SLC25A21: variants seen among roughly 807,000 people sequenced by gnomAD.
SLC25A21 encodes the protein mitochondrial 2-oxodicarboxylate carrier.
SLC25A21 carries 47 observed loss-of-function variants against 43.8 expected under a neutral mutation model. The observed-to-expected ratio is 1.07, with a 90% CI of 0.85 to 1.37. The LOEUF is 1.37. Ranked by LOEUF, SLC25A21 falls within the 40% of genes most tolerant of loss-of-function variation. The probability of loss-of-function intolerance (pLI) is 0.00; values close to 1 mark genes in which losing one functional copy is unlikely to be tolerated. For missense variants in SLC25A21, 352 were observed against 350.2 expected, an observed-to-expected ratio of 1.00 and a Z score of -0.04; for synonymous variants, 131 against 121.3, an observed-to-expected ratio of 1.08 and a Z score of -0.52.
chr14:36,994,136 G>A (rs1035691466), intron 1 of SLC25A21, among the ~76,000 whole-genome samples: 18 of 152,148 alleles, frequency 1.2e-4, no homozygotes, highest in African/African-American at 4.3e-4. Flanking sequence ...GTGATGATTA[G>A]TAAATTAAGC....
chr14:37,155,009 C>T (rs1350031400), intron 1 of SLC25A21, among the ~76,000 whole-genome samples: 1 of 151,790 alleles, frequency 6.6e-6, no homozygotes, highest in Non-Finnish European at 1.5e-5. Context: ...ATAAAAAATA[C>T]ATTTGAAAAC....
At chr14:36,969,693 C>A (rs755016915) in intron 1 of SLC25A21, among the ~76,000 whole-genome samples, 4 of 151,846 alleles carry the variant, frequency 2.6e-5, no homozygotes, top group African/African-American at 7.3e-5. Context: ...GGTCTCGGTA[C>A]GTTATCTATA....
chr14:37,030,241 C>A (rs572821912), intron 1 of SLC25A21, among the ~76,000 whole-genome samples: 1 of 152,158 alleles, frequency 6.6e-6, no homozygotes, highest in Admixed American at 6.5e-5. Flanking sequence ...TCTTCATCAT[C>A]TTTATGTTGA....
chr14:36,680,691 T>A lies in SLC25A21; in HGVS notation c.867A>T (p.Glu289Asp), dbSNP rs1351137340. The stretch of plus-strand genomic sequence containing the variant: ...TCTCTTGAAGCCATGAATAGGTGTA[T>A]TCATAAACCAGCAGCATCACTGCAC... ...PGGAVMLLVYEYTYSWLQENW is the reference protein window; with the variant it reads ...PGGAVMLLVYDYTYSWLQENW The change falls in exon 10 of 10, where the codon GAA (glutamate) becomes GAT (aspartate). Residue 289 changes from glutamate (E) to aspartate (D), a missense_variant. By Grantham distance (45) the Glu-to-Asp change is conservative (BLOSUM62 2). Coordinates refer to ENST00000331299, the MANE Select transcript of SLC25A21 (RefSeq NM_030631.4). 2 of 1,613,206 alleles carry A rather than the reference T, an allele frequency of 1.2e-6. No homozygotes were observed. Among genetic ancestry groups the A allele is most frequent in the African/African-American group, 1.3e-5 (1 of 74,900 alleles).
At chr14:36,753,017 T>G (rs1001985775) in intron 3 of SLC25A21, among the ~76,000 whole-genome samples, 1 of 152,164 alleles carries the variant, frequency 6.6e-6, no homozygotes, top group Non-Finnish European at 1.5e-5. Flanking sequence ...GCCATTTCTA[T>G]GAGGTACCTA....
At chr14:37,078,018 T>C (rs1485358592) in intron 1 of SLC25A21, among the ~76,000 whole-genome samples, 1 of 147,492 alleles carries the variant, frequency 6.8e-6, no homozygotes, top group East Asian at 2.0e-4. Context: ...TCTTAAAATT[T>C]GAGATTTAAG....
chr14:36,897,914 C>T (rs551573788), intron 1 of SLC25A21, among the ~76,000 whole-genome samples: 5 of 152,278 alleles, frequency 3.3e-5, no homozygotes, highest in African/African-American at 9.6e-5. Context: ...CAGAGGAGTA[C>T]CTGGCCGTGT....
chr14:37,172,418 A>T lies in SLC25A21; in HGVS notation c.-68T>A, dbSNP rs767055586. The T allele has an allele frequency of 1.3e-6, 2 of 1,491,154 alleles. No individual in the cohort carries two copies. The highest frequency in any genetic ancestry group is 4.9e-5 in the East Asian group (2 of 40,832). The allele number at this position is 1,491,154 out of a possible 1,614,324, so 92.4% of individuals were successfully genotyped here. On this transcript the variant is annotated 5_prime_UTR_variant, in exon 1 of 10. Coordinates refer to ENST00000331299, the MANE Select transcript of SLC25A21 (RefSeq NM_030631.4). ...AACGAGCTCGCAGCCTGCACAGCCT[A>T]CTGATCCAGAGAGCCCCGGCTGGGC...
chr14:36,861,469 C>G (rs1293063413), intron 2 of SLC25A21, among the ~76,000 whole-genome samples: 1 of 152,186 alleles, frequency 6.6e-6, no homozygotes, highest in Non-Finnish European at 1.5e-5. Context: ...TTTCTTCTCT[C>G]AAGCAGCCTC....
intron 1 of SLC25A21, among the ~76,000 whole-genome samples, chr14:37,017,084 C>A (rs1452017804): frequency 6.6e-6 from 1 of 152,032 alleles, no homozygotes; most frequent in African/African-American, 2.4e-5. Context: ...TAGTACTTTT[C>A]ATTTACTCAC....
intron 1 of SLC25A21, among the ~76,000 whole-genome samples, chr14:36,973,628 G>A (rs1211600578): frequency 6.6e-6 from 1 of 152,210 alleles, no homozygotes; most frequent in East Asian, 1.9e-4. Flanking sequence ...GAGTTGAAAA[G>A]CAAACACCTT....
chr14:36,773,704 T>G (rs939051925), intron 3 of SLC25A21, among the ~76,000 whole-genome samples: 2 of 152,214 alleles, frequency 1.3e-5, no homozygotes, highest in African/African-American at 4.8e-5. Context: ...TTAATCCTCA[T>G]GATAACCCTA....
At chr14:37,025,288 C>A (rs1961070047) in intron 1 of SLC25A21, among the ~76,000 whole-genome samples, 1 of 152,070 alleles carries the variant, frequency 6.6e-6, no homozygotes, top group African/African-American at 2.4e-5. Flanking sequence ...ATAGCTCCAC[C>A]CGTATCTAAT....
intron 7 of SLC25A21, among the ~76,000 whole-genome samples, chr14:36,710,077 G>A (rs1274302730): frequency 6.6e-6 from 1 of 152,076 alleles, no homozygotes; most frequent in African/African-American, 2.4e-5. Flanking sequence ...TTATTATTAT[G>A]ATTATTTAGA....
intron 1 of SLC25A21, among the ~76,000 whole-genome samples, chr14:36,937,528 T>C (rs1276398275): frequency 1.3e-5 from 2 of 152,222 alleles, no homozygotes; most frequent in African/African-American, 4.8e-5. Flanking sequence ...TCACTTCATC[T>C]GAGCCTTTCT....
chr14:36,705,724 T>A (rs554710090), intron 7 of SLC25A21, among the ~76,000 whole-genome samples: 1 of 152,138 alleles, frequency 6.6e-6, no homozygotes, highest in East Asian at 1.9e-4. Context: ...CATTTATAGA[T>A]TTTTTTTAAA....
At chr14:36,837,615 G>A (rs1889253062) in intron 2 of SLC25A21, among the ~76,000 whole-genome samples, 1 of 152,156 alleles carries the variant, frequency 6.6e-6, no homozygotes, top group Non-Finnish European at 1.5e-5. Context: ...CAGTGATGCA[G>A]GCTTGGCGAG....
chr14:36,988,315 C>A (rs147058334), intron 1 of SLC25A21, among the ~76,000 whole-genome samples: 2 of 152,146 alleles, frequency 1.3e-5, no homozygotes, highest in African/African-American at 4.8e-5. Context: ...AGGTTAAGGA[C>A]TATTTCAAGA....
chr14:36,995,150 T>G (rs1379360045), intron 1 of SLC25A21, among the ~76,000 whole-genome samples: 1 of 152,150 alleles, frequency 6.6e-6, no homozygotes, highest in Non-Finnish European at 1.5e-5. Context: ...GAAGTGGTGC[T>G]GACTTATCCA....
Sources: gnomAD v4.1 joint callset for allele counts (sites outside exome capture counted in the v4.1 genomes callset) on GRCh38, gnomAD v4.1.1 for gene constraint, MANE v1.5 for transcripts, NCBI Gene and HGNC (gene_info 2026-07-23, HGNC 2026-07-21) for gene names.